The following PRKAR1A variants were observed in gnomAD, a reference collection of about 807,000 sequenced individuals.
PRKAR1A encodes cAMP-dependent protein kinase type I-alpha regulatory subunit.
In PRKAR1A, 3 loss-of-function variants were observed where a neutral mutation model predicts 52.0. That is an observed-to-expected ratio of 0.06 (90% CI 0.03 to 0.15). The LOEUF is 0.15. Among genes scored for constraint, PRKAR1A ranks in the 10% least tolerant of loss-of-function variants. The pLI is 1.00. For missense variants in PRKAR1A, 240 were observed against 477.4 expected (o/e 0.50, Z 4.63); for synonymous variants, 188 against 168.4 (o/e 1.12, Z -0.90).
At position 68,530,490 on chromosome 17, in the gene PRKAR1A, C is replaced by G. The variant is rs762442247; in HGVS notation, c.*41C>G. On this transcript the variant is annotated 3_prime_UTR_variant, in exon 11 of 11. Transcript: ENST00000589228. ...CCTCCCTTTTCTCCTCTCCCCAATC[C>G]ATGCTTCACTCATGCAAACTGCTTT... is the stretch of plus-strand genomic sequence containing the variant. 6.2e-7 allele frequency: 1 copy of G among 1,613,860 alleles called. No individual in the cohort carries two copies.
chr17:68,531,264 T>C lies in PRKAR1A; in HGVS notation c.*815T>C. On this transcript the variant is annotated 3_prime_UTR_variant, in exon 11 of 11. Transcript: ENST00000589228. ...AGCTAGTGCCAAATAATTGATCAGA[T>C]GCTGAATTGAGAATAAGAATTTGAG... 2 of 1,066,428 alleles carry C rather than the reference T, an allele frequency of 1.9e-6. No individual in the cohort carries two copies. Among genetic ancestry groups the C allele is most frequent in the Non-Finnish European group, 2.3e-6 (2 of 879,644 alleles). The allele number at this position is 1,066,428 out of a possible 1,614,324, so 66.1% of individuals were successfully genotyped here. A position where few individuals can be genotyped will look rare whatever the true frequency, so the allele number is the denominator to read the frequency against.
chr17:68,476,529 CA>C, the PRKAR1A span, among the ~76,000 whole-genome samples: 1 of 152,176 alleles, frequency 6.6e-6, no homozygotes, highest in African/African-American at 2.4e-5. Context: ...CCTCCCGGGG[CA>C]ACCACTGTTA....
the PRKAR1A span, among the ~76,000 whole-genome samples, chr17:68,443,486 T>C: frequency 6.6e-6 from 1 of 152,200 alleles, no homozygotes; most frequent in Non-Finnish European, 1.5e-5. Context: ...CCAAGGGCCA[T>C]TTATAGAATT....
At chr17:68,446,212 G>T in the PRKAR1A span, among the ~76,000 whole-genome samples, 4 of 151,064 alleles carry the variant, frequency 2.6e-5, no homozygotes, top group Admixed American at 6.6e-5. Flanking sequence ...ACAGGGTCTC[G>T]TTCTGTCACC....
At chr17:68,457,452 G>A in the PRKAR1A span, 3 of 1,470,656 alleles carry the variant, frequency 2.0e-6, no homozygotes, top group South Asian at 1.3e-5. Context: ...CCGCAGCTCG[G>A]AGCCGGCGAC....
chr17:68,514,476 TAGCTGC>T (rs2085367170), intron 1 of PRKAR1A, among the ~76,000 whole-genome samples: 1 of 152,226 alleles, frequency 6.6e-6, no homozygotes, highest in Admixed American at 6.5e-5. Flanking sequence ...AGGGTAAGGT[TAGCTGC>T]TCATCATTAT....
chr17:68,496,163 T>G, the PRKAR1A span, among the ~76,000 whole-genome samples: 1 of 143,934 alleles, frequency 6.9e-6, no homozygotes, highest in African/African-American at 2.6e-5. Context: ...TGCCTCAGAC[T>G]CCTGGGTAGC....
the PRKAR1A span, among the ~76,000 whole-genome samples, chr17:68,474,641 A>G: frequency 6.6e-6 from 1 of 152,216 alleles, no homozygotes; most frequent in Non-Finnish European, 1.5e-5. Context: ...CACACCTGTA[A>G]TCCCAACACT....
chr17:68,535,324 A>G (rs1037134947), downstream of PRKAR1A: 14 of 453,988 alleles, frequency 3.1e-5, no homozygotes, highest in Admixed American at 3.1e-4. Flanking sequence ...ATTCAAGCCT[A>G]TTGCTTTCTG....
the PRKAR1A span, among the ~76,000 whole-genome samples, chr17:68,484,329 A>G: frequency 6.6e-6 from 1 of 152,016 alleles, no homozygotes; most frequent in Non-Finnish European, 1.5e-5. Flanking sequence ...AATGTTTTGT[A>G]TTTTTGATAG....
chr17:68,470,296 G>A, the PRKAR1A span, among the ~76,000 whole-genome samples: 1 of 152,148 alleles, frequency 6.6e-6, no homozygotes, highest in African/African-American at 2.4e-5. Context: ...TGGTCAGGCT[G>A]GTCTGAAACT....
At chr17:68,441,149 AT>A in the PRKAR1A span, 1 of 152,170 alleles carries the variant, frequency 6.6e-6, no homozygotes, top group African/African-American at 2.4e-5. Context: ...TTTCATGGAG[AT>A]TTCCACCCTT....
At chr17:68,504,884 G>T in the PRKAR1A span, among the ~76,000 whole-genome samples, 1 of 152,162 alleles carries the variant, frequency 6.6e-6, no homozygotes, top group Non-Finnish European at 1.5e-5. Flanking sequence ...TTACCCTGAT[G>T]TGATTATTAC....
the PRKAR1A span, among the ~76,000 whole-genome samples, chr17:68,473,951 C>CTT: frequency 1.4e-4 from 21 of 152,192 alleles, no homozygotes; most frequent in Middle Eastern, 3.4e-3. Flanking sequence ...AGAACTTATT[C>CTT]TTTATTGGTA....
chr17:68,542,191 G>T, intron 11 of PRKAR1A: 3 of 1,613,118 alleles, frequency 1.9e-6, no homozygotes, highest in Non-Finnish European at 2.5e-6. Flanking sequence ...GAGAGAGGAG[G>T]AGTAAGTGGA....
the PRKAR1A span, among the ~76,000 whole-genome samples, chr17:68,488,470 G>T: frequency 6.6e-6 from 1 of 152,058 alleles, no homozygotes; most frequent in Admixed American, 6.6e-5. Context: ...GCTCATGCCT[G>T]TCATCGCAGC....
chr17:68,525,717 T>C, intron 6 of PRKAR1A, 37 bp from the exon 7 acceptor site: 2 of 1,609,044 alleles, frequency 1.2e-6, no homozygotes. Context: ...TGTTTGTATC[T>C]AGAAAATAAA....
At chr17:68,474,292 G>C in the PRKAR1A span, among the ~76,000 whole-genome samples, 1 of 152,172 alleles carries the variant, frequency 6.6e-6, no homozygotes, top group Non-Finnish European at 1.5e-5. Flanking sequence ...TGGAAAGGTA[G>C]GGAGTCAGCT....
rs764249797 is a variant in PRKAR1A at position 68,542,060 on chromosome 17, G to A, written c.974-9024G>A. 3.1e-5 allele frequency: 50 copies of A among 1,614,044 alleles called. 2 individuals carry two copies. The South Asian group carries it at 4.3e-4, about 14-fold the overall frequency. On this transcript the variant is annotated intron_variant, in intron 11 of 11. Transcript: ENST00000585981. ...CAGCCTGGGGGCCAGGTTGAGGGAC[G>A]GCAGGAAGGCAGAGAGGGAACCCTC...
Sources: gnomAD v4.1 joint callset for allele counts (sites outside exome capture counted in the v4.1 genomes callset) on GRCh38, gnomAD v4.1.1 for gene constraint, MANE v1.5 for transcripts, NCBI Gene and HGNC (gene_info 2026-07-23, HGNC 2026-07-21) for gene names.